TMEM114: variants seen among roughly 807,000 people sequenced by gnomAD.
TMEM114 encodes the protein claudin-26.
In TMEM114, 6 loss-of-function variants were observed where a neutral mutation model predicts 6.2. The ratio of observed to expected loss-of-function variants is 0.97; its 90% confidence interval spans 0.53 to 1.91. The LOEUF is 1.91. Among genes scored for constraint, TMEM114 ranks in the 40% most tolerant of loss-of-function variants. The probability of loss-of-function intolerance (pLI) is 0.01; values close to 1 mark genes in which losing one functional copy is unlikely to be tolerated. For synonymous variants in TMEM114, 104 were observed against 73.0 expected (o/e 1.42, Z -2.16); for missense variants, 218 against 158.3 (o/e 1.38, Z -2.02).
chr16:8,555,162 C>T (rs1414254938), intron 2 of TMEM114, among the ~76,000 whole-genome samples: 3 of 152,202 alleles, frequency 2.0e-5, no homozygotes, highest in Non-Finnish European at 2.9e-5. Context: ...TCTCTCTTCA[C>T]ATGTGATGCT....
At chr16:8,570,042 C>A (rs530165284) in intron 3 of TMEM114, 37 bp from the exon 4 acceptor site, 6 of 1,522,398 alleles carry the variant, frequency 3.9e-6, no homozygotes, top group East Asian at 2.5e-5. Flanking sequence ...ATCAATCCCC[C>A]ACCCCGCCCC....
intron 2 of TMEM114, among the ~76,000 whole-genome samples, chr16:8,553,401 A>C (rs536882932): frequency 2.1e-4 from 32 of 152,254 alleles, no homozygotes; most frequent in African/African-American, 7.7e-4. Context: ...CAAGGACTTG[A>C]ATCTTTTTTT....
chr16:8,563,189 G>C (rs1229112680), intron 2 of TMEM114, among the ~76,000 whole-genome samples: 11 of 151,440 alleles, frequency 7.3e-5, no homozygotes, highest in Non-Finnish European at 1.0e-4. Flanking sequence ...GAGTGAATGA[G>C]TGAATGAATG....
chr16:8,560,386 G>A (rs532774586), intron 2 of TMEM114, among the ~76,000 whole-genome samples: 1 of 152,088 alleles, frequency 6.6e-6, no homozygotes, highest in East Asian at 1.9e-4. Context: ...TCCTCTCCTT[G>A]GACAGTGGCA....
intron 2 of TMEM114, among the ~76,000 whole-genome samples, chr16:8,546,009 G>T (rs1034863822): frequency 3.3e-5 from 5 of 152,116 alleles, no homozygotes; most frequent in East Asian, 1.9e-4. Flanking sequence ...CAGCTGCCTT[G>T]GAGGCTGAGG....
chr16:8,571,998 T>TC (rs1901749751), intron 3 of TMEM114, 89 bp downstream of exon 3: 2 of 1,400,786 alleles, frequency 1.4e-6, no homozygotes, highest in Middle Eastern at 2.6e-4. Context: ...GGCCCTGGGA[T>TC]CCCCCTCGTT....
At chr16:8,556,230 C>T (rs949467979) in intron 2 of TMEM114, among the ~76,000 whole-genome samples, 1 of 152,180 alleles carries the variant, frequency 6.6e-6, no homozygotes, top group African/African-American at 2.4e-5. Flanking sequence ...ATCAGCCCCT[C>T]TGCCGGCCTT....
chr16:8,581,195 A>G (rs1291418023), intron 2 of TMEM114, among the ~76,000 whole-genome samples: 1 of 152,210 alleles, frequency 6.6e-6, no homozygotes, highest in African/African-American at 2.4e-5. Flanking sequence ...TGCTGCCCAT[A>G]ACACTCTGTA....
At chr16:8,529,386 G>A in the TMEM114 span, among the ~76,000 whole-genome samples, 3 of 152,172 alleles carry the variant, frequency 2.0e-5, no homozygotes, top group African/African-American at 7.2e-5. Context: ...AGTGGAAATG[G>A]CTCTTCCTTG....
chr16:8,527,027 G>A, the TMEM114 span, among the ~76,000 whole-genome samples: 4 of 152,136 alleles, frequency 2.6e-5, no homozygotes, highest in African/African-American at 9.7e-5. Context: ...GGCCAACATG[G>A]GGAAACCCCA....
intron 2 of TMEM114, among the ~76,000 whole-genome samples, chr16:8,547,456 A>G (rs1036652643): frequency 6.7e-5 from 10 of 148,782 alleles, no homozygotes; most frequent in African/African-American, 2.5e-4. Flanking sequence ...GCAGTGGTGC[A>G]ATTTCAGCTC....
At chr16:8,577,996 C>A (rs1467739636) in intron 2 of TMEM114, among the ~76,000 whole-genome samples, 2 of 152,172 alleles carry the variant, frequency 1.3e-5, no homozygotes, top group African/African-American at 2.4e-5. Flanking sequence ...CCTCATCGAA[C>A]AAGGCCACTG....
chr16:8,568,970 G>T (rs1363744632), downstream of TMEM114, among the ~76,000 whole-genome samples: 1 of 152,190 alleles, frequency 6.6e-6, no homozygotes, highest in Non-Finnish European at 1.5e-5. Context: ...CAGAAGCCTC[G>T]GCATCGCCTG....
chr16:8,539,175 C>T (rs1007438109), intron 2 of TMEM114, among the ~76,000 whole-genome samples: 1 of 152,130 alleles, frequency 6.6e-6, no homozygotes, highest in Non-Finnish European at 1.5e-5. Context: ...ATAACGTCTG[C>T]CTGGTGTGCG....
intron 2 of TMEM114, among the ~76,000 whole-genome samples, chr16:8,548,201 G>A (rs1279022620): frequency 6.6e-6 from 1 of 152,174 alleles, no homozygotes; most frequent in African/African-American, 2.4e-5. Context: ...AAGGGGCTTA[G>A]TTAGCCTCTC....
At position 8,579,966 on chromosome 16, in the gene TMEM114, C is replaced by T. The variant is rs114792429; in HGVS notation, c.302-7742G>A. The stretch of plus-strand genomic sequence containing the variant: ...GAGACCTGGAGGCGAGACAGTGAGG[C>T]GTTAACTGGGCTGAGAAGTAGGAGA... On this transcript the variant is annotated intron_variant, in intron 2 of 3. Transcript: ENST00000620492. 4.5e-3 allele frequency among the ~76,000 whole-genome samples: 691 copies of T among 152,110 alleles called. 7 individuals carry two copies. Among genetic ancestry groups the T allele is most frequent in the African/African-American group, 0.016 (661 of 41,466 alleles).
At chr16:8,561,545 C>G (rs956339097) in intron 2 of TMEM114, among the ~76,000 whole-genome samples, 1 of 152,230 alleles carries the variant, frequency 6.6e-6, no homozygotes, top group Non-Finnish European at 1.5e-5. Context: ...GTGTTTCAAA[C>G]AGCACCTGGC....
At chr16:8,531,898 C>T in the TMEM114 span, 160 of 150,940 alleles carry the variant, frequency 1.1e-3, no homozygotes, top group African/African-American at 3.8e-3. Context: ...ATTCCCTTGG[C>T]AGATAGCTCT....
chr16:8,540,007 G>A (rs1216852726), intron 2 of TMEM114, among the ~76,000 whole-genome samples: 1 of 151,876 alleles, frequency 6.6e-6, no homozygotes, highest in Non-Finnish European at 1.5e-5. Flanking sequence ...TAGTAGAGAT[G>A]GGGTTTCACC....
Sources: allele counts gnomAD v4.1 joint callset (sites outside exome capture counted in the v4.1 genomes callset), GRCh38; gene constraint gnomAD v4.1.1; transcripts MANE v1.5; gene names NCBI Gene and HGNC (gene_info 2026-07-23, HGNC 2026-07-21).